The following TSPAN32 variants were observed in gnomAD, a reference collection of about 807,000 sequenced individuals.
The protein encoded by TSPAN32 is tetraspanin-32.
TSPAN32 carries 47 observed loss-of-function variants against 42.7 expected under a neutral mutation model. The ratio of observed to expected loss-of-function variants is 1.10; its 90% CI spans 0.87 to 1.40. The LOEUF (loss-of-function observed/expected upper bound fraction) is 1.40, where lower values mean the gene tolerates loss of function less well. Ranked by LOEUF, TSPAN32 falls within the 40% of genes most tolerant of loss-of-function variation. TSPAN32 has a pLI of 0.00. For synonymous variants in TSPAN32, 175 were observed against 175.9 expected (o/e 0.99, Z 0.04); for missense variants, 469 against 424.1 (o/e 1.11, Z -0.93).
At chr11:2,309,516 A>C (rs1316105949) in intron 4 of TSPAN32, 1 of 370,326 alleles carries the variant, frequency 2.7e-6, no homozygotes, top group African/African-American at 2.1e-5. Flanking sequence ...ACCTGGTGAG[A>C]GCCCCCAGGG....
At position 2,312,389 on chromosome 11, in the gene TSPAN32, C is replaced by T. The variant is rs1173949226; in HGVS notation, c.355-1265C>T. Among the ~76,000 whole-genome samples the T allele has an allele frequency of 5.3e-5, 8 of 152,368 alleles. No homozygotes were observed. The East Asian group carries it at 7.7e-4, about 15-fold the overall frequency. ...GGCTGAACAAGGCCCCCGCCCTGGC[C>T]GACAGTGGTGTGGCCAGCTTGGTGC... On this transcript the variant is annotated intron_variant, in intron 4 of 9. Transcript: ENST00000182290.
At chr11:2,308,848 C>T (rs1294399189) in intron 4 of TSPAN32, 38 bp downstream of exon 4, 2 of 1,349,968 alleles carry the variant, frequency 1.5e-6, no homozygotes, top group South Asian at 1.3e-5. Flanking sequence ...GTGGAGGGTC[C>T]CCCAGTAAGC....
chr11:2,315,440 A>G (rs1848728202), intron 6 of TSPAN32: 2 of 1,129,826 alleles, frequency 1.8e-6, no homozygotes, highest in Non-Finnish European at 1.1e-6. Context: ...GAGAGACTGA[A>G]AAGGCCCCCG....
intron 6 of TSPAN32, 124 bp downstream of exon 6, chr11:2,314,695 C>T: frequency 1.3e-6 from 1 of 741,288 alleles, no homozygotes; most frequent in Non-Finnish European, 2.3e-6. Context: ...CCCTTGGGAA[C>T]TGCCGCTGAA....
At chr11:2,316,075 C>G in intron 6 of TSPAN32, 154 bp from the exon 7 acceptor site, 1 of 1,532,474 alleles carries the variant, frequency 6.5e-7, no homozygotes, top group East Asian at 2.4e-5. Flanking sequence ...TTCCCTAGAG[C>G]CCTGGGGGCT....
intron 1 of TSPAN32, 60 bp from the exon 2 acceptor site, chr11:2,302,784 C>T (rs757864904): frequency 2.1e-5 from 31 of 1,451,638 alleles, no homozygotes; most frequent in Admixed American, 5.4e-5. Context: ...CCGCTGGGGC[C>T]GAGCTCCCTG....
At chr11:2,305,043 T>C (rs911423351) in intron 3 of TSPAN32, among the ~76,000 whole-genome samples, 6 of 152,212 alleles carry the variant, frequency 3.9e-5, no homozygotes, top group African/African-American at 7.2e-5. Flanking sequence ...TGGACCACTC[T>C]GGGGGTCCCT....
In TSPAN32 at chr11:2,317,467, G is replaced by A. The variant is rs1356868662; in HGVS notation, c.843G>A (p.Trp281Ter). 1.9e-6 allele frequency: 3 copies of A among 1,600,842 alleles called. No homozygotes were observed. The highest frequency in any genetic ancestry group is 1.3e-5 in the African/African-American group (1 of 74,834). Residue 281 changes from tryptophan (W) to a stop codon, truncating the protein, a stop_gained, in exon 9 of 10, where the codon TGG (tryptophan) becomes TGA (stop). Coordinates refer to ENST00000182290, the MANE Select transcript of TSPAN32 (RefSeq NM_139022.3). LOFTEE classifies it high-confidence loss of function. The surrounding 1 kb of genome is among the most constrained non-coding windows in gnomAD (Gnocchi z 6.2). ...GAGGATGCTCGGGTAGTCTTCGGTGGCTGCAGGAGAGCGATGCTGCGCCTC... is the reference window on the plus strand; with the variant it reads ...GAGGATGCTCGGGTAGTCTTCGGTGACTGCAGGAGAGCGATGCTGCGCCTC... ...GPRGCSGSLR[W>*]LQESDAAPLP...
intron 6 of TSPAN32, chr11:2,315,054 G>C (rs1016242019): frequency 4.9e-5 from 17 of 344,070 alleles, no homozygotes; most frequent in African/African-American, 3.6e-4. Flanking sequence ...GGTGTGGCCA[G>C]GGCTTCAGCA....
chr11:2,303,651 C>G (rs1847899950), intron 2 of TSPAN32, among the ~76,000 whole-genome samples: 1 of 152,102 alleles, frequency 6.6e-6, no homozygotes, highest in Admixed American at 6.5e-5. Flanking sequence ...TGCTTTTCCC[C>G]AAGTCCTAGG....
chr11:2,304,397 G>A lies in TSPAN32; in HGVS notation c.279+193G>A, dbSNP rs930756516. Among the ~76,000 whole-genome samples, 6 of 151,912 alleles carry A rather than the reference G, an allele frequency of 3.9e-5. No homozygotes were observed. The East Asian group carries it at 1.2e-3, about 30-fold the overall frequency. On this transcript the variant is annotated intron_variant, in intron 3 of 9. Coordinates refer to ENST00000182290, the MANE Select transcript of TSPAN32 (RefSeq NM_139022.3). This position sits in a 1 kb window ranked among gnomAD's most constrained non-coding sequence, Gnocchi z 4.8. ...TCTAGGCAGAAACAGAGGCCCCAGGGATGCTAGCCAGCCGAGACCCCCTAC... is the reference window on the plus strand; with the variant it reads ...TCTAGGCAGAAACAGAGGCCCCAGGAATGCTAGCCAGCCGAGACCCCCTAC...
rs757435578 is a variant in TSPAN32 at position 2,304,220 on chromosome 11, T to C, written c.279+16T>C. The C allele has an allele frequency of 4.0e-6, 6 of 1,516,754 alleles. No individual in the cohort carries two copies. Among genetic ancestry groups the C allele is most frequent in the Non-Finnish European group, 3.6e-6 (4 of 1,126,014 alleles). 94.0% of individuals were successfully genotyped at this position (1,516,754 alleles called of 1,614,324 possible). ...CATGGCAGGGGTGAGTTCATTGTGT[T>C]CCCAGATGCCCAGGCCCCCAGAAAA... is the stretch of plus-strand genomic sequence containing the variant. On this transcript the variant is annotated intron_variant, in intron 3 of 9. Transcript: ENST00000182290. This position sits in a 1 kb window ranked among gnomAD's most constrained non-coding sequence, Gnocchi z 4.8.
At position 2,317,240 on chromosome 11, in the gene TSPAN32, C is replaced by T; in HGVS notation, c.720-104C>T. The T allele has an allele frequency of 1.1e-6, 1 of 893,678 alleles. No homozygotes were observed. The allele number at this position is 893,678 out of a possible 1,614,324, so 55.4% of individuals were successfully genotyped here. A position where few individuals can be genotyped will look rare whatever the true frequency, so the allele number is the denominator to read the frequency against. On this transcript the variant is annotated intron_variant, in intron 8 of 9. Transcript: ENST00000182290. This position sits in a 1 kb window ranked among gnomAD's most constrained non-coding sequence, Gnocchi z 6.2. The stretch of plus-strand genomic sequence containing the variant: ...AGCAGCTCCATAATCCCCTCCAGAA[C>T]ATTCTGCAACAGCCCCATGATCCCC...
At chr11:2,315,081 C>A in intron 6 of TSPAN32, 1 of 361,070 alleles carries the variant, frequency 2.8e-6, no homozygotes, top group Non-Finnish European at 4.6e-6. Context: ...GAGCGGGGCC[C>A]GAGGCCAGGA....
intron 4 of TSPAN32, among the ~76,000 whole-genome samples, chr11:2,312,071 C>A (rs1245920012): frequency 1.3e-5 from 2 of 152,062 alleles, no homozygotes; most frequent in Non-Finnish European, 2.9e-5. Context: ...CAGAGCCAGG[C>A]AGGGCAGGCA....
chr11:2,317,798 C>G lies in TSPAN32; in HGVS notation c.902-65C>G. 1 of 1,595,820 alleles carries G rather than the reference C, an allele frequency of 6.3e-7. No homozygotes were observed. The highest frequency in any genetic ancestry group is 1.1e-5 in the South Asian group (1 of 88,782). On this transcript the variant is annotated intron_variant, in intron 9 of 9. Coordinates refer to ENST00000182290, the MANE Select transcript of TSPAN32 (RefSeq NM_139022.3). This position sits in a 1 kb window ranked among gnomAD's most constrained non-coding sequence, Gnocchi z 6.2. Reference sequence around the variant, plus strand: ...CCCAGACACAAGCTGCACTGGTTTTCTATGCTGCGTAAGAAGCAGCATGGA... The same window carrying G: ...CCCAGACACAAGCTGCACTGGTTTTGTATGCTGCGTAAGAAGCAGCATGGA...
In TSPAN32 at chr11:2,317,290, A is replaced by G; in HGVS notation, c.720-54A>G. 2 of 1,422,502 alleles carry G rather than the reference A, an allele frequency of 1.4e-6. No individual in the cohort carries two copies. The highest frequency in any genetic ancestry group is 1.2e-5 in the South Asian group (1 of 80,820). The allele number at this position is 1,422,502 out of a possible 1,614,324, so 88.1% of individuals were successfully genotyped here. A position where few individuals can be genotyped will look rare whatever the true frequency, so the allele number is the denominator to read the frequency against. ...CTCTAGAACATTCCACAATAGCCTC[A>G]CAGGTCCCCTGTAGAACATTCCACC... On this transcript the variant is annotated intron_variant, in intron 8 of 9. Transcript: ENST00000182290. This position sits in a 1 kb window ranked among gnomAD's most constrained non-coding sequence, Gnocchi z 6.2.
At chr11:2,307,171 C>T (rs1279953550) in intron 3 of TSPAN32, among the ~76,000 whole-genome samples, 3 of 152,110 alleles carry the variant, frequency 2.0e-5, no homozygotes, top group Admixed American at 6.5e-5. Context: ...GGGCTGGAGG[C>T]CCCATGCTCA....
rs1343115396 is a variant in TSPAN32, at chr11:2,308,719, C to T, written c.280-17C>T. 1 of 1,543,554 alleles carries T rather than the reference C, an allele frequency of 6.5e-7. No individual in the cohort carries two copies. Among genetic ancestry groups the T allele is most frequent in the Admixed American group, 1.9e-5 (1 of 52,796 alleles). On this transcript the variant is annotated splice_polypyrimidine_tract_variant and intron_variant, in intron 3 of 9. Transcript: ENST00000182290. The stretch of plus-strand genomic sequence containing the variant: ...GTGACCAGCCCTCAACAGTGACCAG[C>T]CCCGCTCTGCCCCCAGGGCTTCCTG...
Sources: allele counts gnomAD v4.1 joint callset (sites outside exome capture counted in the v4.1 genomes callset), GRCh38; gene constraint gnomAD v4.1.1; non-coding constraint Gnocchi (gnomAD v3.1); transcripts MANE v1.5; gene names NCBI Gene and HGNC (gene_info 2026-07-23, HGNC 2026-07-21).